XKR9: variants seen among roughly 807,000 people sequenced by gnomAD.
XKR9 encodes XK-related protein 9.
In XKR9, 32 loss-of-function variants were observed where a neutral mutation model predicts 32.0. The ratio of observed to expected loss-of-function variants is 1.00; its 90% CI spans 0.76 to 1.34. XKR9 has a LOEUF of 1.34. XKR9 is among the 40% of genes most tolerant of loss of function. XKR9 has a pLI of 0.00. For missense variants in XKR9, 546 were observed against 429.7 expected (o/e 1.27, Z -2.39); for synonymous variants, 168 against 143.4 (o/e 1.17, Z -1.22).
the XKR9 span, among the ~76,000 whole-genome samples, chr8:70,960,521 T>A: frequency 2.0e-4 from 30 of 152,226 alleles, no homozygotes; most frequent in East Asian, 4.8e-3. Context: ...AAAGAAGTAC[T>A]CTCTCCTTTC....
chr8:70,781,197 C>G (rs900266297), intron 2 of XKR9, among the ~76,000 whole-genome samples: 1 of 151,984 alleles, frequency 6.6e-6, no homozygotes, highest in African/African-American at 2.4e-5. Flanking sequence ...TTTTCATGTG[C>G]TTATTTGCCA....
At chr8:70,920,422 C>T in the XKR9 span, among the ~76,000 whole-genome samples, 22 of 151,962 alleles carry the variant, frequency 1.4e-4, no homozygotes, top group African/African-American at 2.2e-4. Flanking sequence ...ACTTTCATTA[C>T]GATTTTGTTA....
the XKR9 span, among the ~76,000 whole-genome samples, chr8:70,848,339 G>A: frequency 6.6e-6 from 1 of 151,948 alleles, no homozygotes; most frequent in Non-Finnish European, 1.5e-5. Flanking sequence ...CACATAGCTA[G>A]CATCATATTG....
At chr8:70,948,586 G>A in the XKR9 span, among the ~76,000 whole-genome samples, 1 of 152,176 alleles carries the variant, frequency 6.6e-6, no homozygotes, top group African/African-American at 2.4e-5. Context: ...ATTCTCTCTG[G>A]TCTATACAAT....
chr8:70,972,779 G>T, the XKR9 span, among the ~76,000 whole-genome samples: 1 of 152,016 alleles, frequency 6.6e-6, no homozygotes. Context: ...TGACTTATGA[G>T]TGTTAAACAA....
At chr8:70,685,511 A>AAT (rs746146167) in intron 3 of XKR9, among the ~76,000 whole-genome samples, 1 of 144,432 alleles carries the variant, frequency 6.9e-6, no homozygotes, top group African/African-American at 2.6e-5. Context: ...TAATAATAAT[A>AAT]AAGAAAATGT....
downstream of XKR9, among the ~76,000 whole-genome samples, chr8:70,739,660 T>G (rs556072520): frequency 1.6e-4 from 24 of 151,968 alleles, no homozygotes; most frequent in Admixed American, 6.5e-4. Flanking sequence ...TAGGGCAAGC[T>G]TGGTGGTGAC....
the XKR9 span, among the ~76,000 whole-genome samples, chr8:70,955,590 T>A: frequency 8.0e-4 from 122 of 152,340 alleles, no homozygotes; most frequent in Middle Eastern, 0.01. Flanking sequence ...TGTCACAGGA[T>A]CCCTTAGGGT....
chr8:70,868,885 T>A, the XKR9 span, among the ~76,000 whole-genome samples: 2 of 152,228 alleles, frequency 1.3e-5, no homozygotes, highest in Admixed American at 6.5e-5. Flanking sequence ...TTGAATGCTT[T>A]GCTGCTTAGA....
At chr8:70,890,744 A>G in the XKR9 span, among the ~76,000 whole-genome samples, 2 of 151,848 alleles carry the variant, frequency 1.3e-5, no homozygotes, top group African/African-American at 2.4e-5. Context: ...CATCAGGGAT[A>G]TTGTCCTATA....
the XKR9 span, among the ~76,000 whole-genome samples, chr8:70,843,893 C>A: frequency 6.6e-6 from 1 of 152,160 alleles, no homozygotes; most frequent in Admixed American, 6.5e-5. Flanking sequence ...CTGCATCCTG[C>A]CCTGGGCCAC....
the XKR9 span, among the ~76,000 whole-genome samples, chr8:70,832,816 A>T: frequency 2.0e-5 from 3 of 152,216 alleles, no homozygotes; most frequent in Non-Finnish European, 4.4e-5. Flanking sequence ...AGCACTTATC[A>T]TGATTTGTCA....
At chr8:70,828,100 A>G in the XKR9 span, among the ~76,000 whole-genome samples, 1 of 152,222 alleles carries the variant, frequency 6.6e-6, no homozygotes, top group Non-Finnish European at 1.5e-5. Flanking sequence ...GATGGGAGCA[A>G]CTGACTGAAC....
intron 3 of XKR9, among the ~76,000 whole-genome samples, chr8:70,705,840 T>C (rs1805700142): frequency 6.6e-6 from 1 of 151,708 alleles, no homozygotes; most frequent in South Asian, 2.1e-4. Context: ...AATTATGAGG[T>C]TGTTGAAAGA....
At chr8:71,054,656 C>T in the XKR9 span, among the ~76,000 whole-genome samples, 2 of 152,102 alleles carry the variant, frequency 1.3e-5, no homozygotes, top group African/African-American at 2.4e-5. Context: ...TTGTAAGGTC[C>T]CAGGGGCATT....
At chr8:70,797,775 G>C in the XKR9 span, among the ~76,000 whole-genome samples, 2 of 152,032 alleles carry the variant, frequency 1.3e-5, no homozygotes, top group African/African-American at 2.4e-5. Flanking sequence ...CCAGTGTTTA[G>C]CTCTCACTTA....
At chr8:70,932,994 T>C in the XKR9 span, among the ~76,000 whole-genome samples, 3 of 152,130 alleles carry the variant, frequency 2.0e-5, no homozygotes, top group African/African-American at 4.8e-5. Flanking sequence ...TTTTATACTC[T>C]TTGTCTTCAA....
chr8:70,934,029 G>A, the XKR9 span, among the ~76,000 whole-genome samples: 1 of 151,132 alleles, frequency 6.6e-6, no homozygotes, highest in Admixed American at 6.6e-5. Flanking sequence ...TATTTAAAAA[G>A]TGAAGGGGAA....
chr8:71,029,165 G>A, the XKR9 span, among the ~76,000 whole-genome samples: 4 of 151,968 alleles, frequency 2.6e-5, no homozygotes, highest in African/African-American at 9.7e-5. Context: ...CAAGAGTTGG[G>A]AGTTACAAAA....
Sources: gnomAD v4.1 joint callset for allele counts (sites outside exome capture counted in the v4.1 genomes callset) on GRCh38, gnomAD v4.1.1 for gene constraint, MANE v1.5 for transcripts, NCBI Gene and HGNC (gene_info 2026-07-23, HGNC 2026-07-21) for gene names.